COL4A6: variants seen among roughly 807,000 people sequenced by gnomAD.
The protein encoded by COL4A6 is collagen type IV alpha 6 chain.
In COL4A6, 59 loss-of-function variants were observed where a neutral mutation model predicts 126.7. The ratio of observed to expected loss-of-function variants is 0.47; its 90% CI spans 0.38 to 0.58. The LOEUF (loss-of-function observed/expected upper bound fraction) is 0.58. Ranked by LOEUF, COL4A6 falls within the 20% of genes least tolerant of loss-of-function variation. The pLI is 0.00. For missense variants in COL4A6, 1,285 were observed against 1,337.3 expected (o/e 0.96, Z 0.61); for synonymous variants, 547 against 496.6 (o/e 1.10, Z -1.35).
intron 3 of COL4A6, among the ~76,000 whole-genome samples, chrX:108,244,441 A>G (rs938048245): frequency 1.8e-5 from 2 of 111,545 alleles, no homozygotes; most frequent in African/African-American, 6.5e-5. Flanking sequence ...TTCTTGGCTG[A>G]CCAATAATGC....
At chrX:108,361,236 G>C (rs1042774888) in intron 2 of COL4A6, among the ~76,000 whole-genome samples, 1 of 111,208 alleles carries the variant, frequency 9.0e-6, no homozygotes, top group East Asian at 2.8e-4. Context: ...TCCCTTAGCA[G>C]TCACAACCTG....
chrX:108,323,752 C>T (rs1252221698), intron 2 of COL4A6, among the ~76,000 whole-genome samples: 2 of 112,301 alleles, frequency 1.8e-5, no homozygotes, highest in Admixed American at 9.5e-5. Flanking sequence ...TCTGTCTTTT[C>T]CAACAATAGC....
chrX:108,367,607 G>T (rs1430879401), intron 2 of COL4A6, among the ~76,000 whole-genome samples: 2 of 112,042 alleles, frequency 1.8e-5, no homozygotes, highest in African/African-American at 6.5e-5. Flanking sequence ...ATTATTTCCA[G>T]AAAACAACTG....
At chrX:108,418,311 C>G in intron 2 of COL4A6, among the ~76,000 whole-genome samples, 2 of 111,957 alleles carry the variant, frequency 1.8e-5, no homozygotes, top group Non-Finnish European at 3.8e-5. Flanking sequence ...AATCCTAACA[C>G]TTATACCTGT....
chrX:108,197,171 G>A (rs1321037624), intron 13 of COL4A6, among the ~76,000 whole-genome samples: 1 of 112,127 alleles, frequency 8.9e-6, no homozygotes, highest in Non-Finnish European at 1.9e-5. Context: ...TACTGGGACT[G>A]TAGGGCTCTT....
intron 2 of COL4A6, among the ~76,000 whole-genome samples, chrX:108,413,825 C>T (rs1268454799): frequency 3.6e-5 from 4 of 111,969 alleles, no homozygotes; most frequent in Non-Finnish European, 5.6e-5. Context: ...ACATCTATTA[C>T]TACTGGTTTT....
At chrX:108,355,334 C>T (rs2039936856) in intron 2 of COL4A6, among the ~76,000 whole-genome samples, 1 of 112,269 alleles carries the variant, frequency 8.9e-6, no homozygotes. Context: ...CCAAAATATA[C>T]CATCCAGTAG....
Position 108,209,989 on chromosome X carries a change from G to A in COL4A6, c.526C>T (p.Pro176Ser). 8.3e-7 allele frequency: 1 copy of A among 1,209,346 alleles called. No homozygotes were observed. The highest frequency in any genetic ancestry group is 1.1e-6 in the Non-Finnish European group (1 of 894,173). ...CTTACAGTGATTCCATCCAGTCCAG[G>A]CAGCCCAGGATCCCCCTGAGAAACA... ...FKGMKGDPGL[P>S]GLDGITGPQG... The change falls in exon 8 of 45, where the codon CCT becomes TCT. Residue 176 changes from proline to serine, a missense_variant. Pro to Ser is a moderately conservative substitution (Grantham distance 74). Coordinates refer to ENST00000334504, the MANE Select transcript of COL4A6 (RefSeq NM_033641.4).
chrX:108,198,258 A>G (rs981749541), intron 13 of COL4A6, among the ~76,000 whole-genome samples: 1 of 111,578 alleles, frequency 9.0e-6, no homozygotes, highest in Non-Finnish European at 1.9e-5. Context: ...GGCCAAGAGA[A>G]CAAAACTGTT....
chrX:108,421,252 G>A (rs1256314893), intron 2 of COL4A6, among the ~76,000 whole-genome samples: 2 of 112,170 alleles, frequency 1.8e-5, no homozygotes, highest in African/African-American at 3.2e-5. Flanking sequence ...AGGATTAATT[G>A]CTAATAACAG....
intron 11 of COL4A6, among the ~76,000 whole-genome samples, 184 bp downstream of exon 11, chrX:108,205,255 C>T (rs766359908): frequency 7.2e-5 from 8 of 111,056 alleles, no homozygotes; most frequent in African/African-American, 9.8e-5. Context: ...CCACAATAGC[C>T]CATGTGTGGC....
At chrX:108,193,297 T>C (rs1273033037) in intron 17 of COL4A6, among the ~76,000 whole-genome samples, 2 of 111,968 alleles carry the variant, frequency 1.8e-5, no homozygotes, top group African/African-American at 6.5e-5. Flanking sequence ...TATTCCATAG[T>C]ATCAAACTGA....
At chrX:108,183,148 T>A (rs1414584862) in intron 23 of COL4A6, among the ~76,000 whole-genome samples, 1 of 112,484 alleles carries the variant, frequency 8.9e-6, no homozygotes. Flanking sequence ...CTTTATACTG[T>A]CTTCTACTTT....
chrX:108,171,313 C>A (rs1485798766), intron 33 of COL4A6, 74 bp downstream of exon 33: 1 of 920,709 alleles, frequency 1.1e-6, no homozygotes, highest in Non-Finnish European at 1.5e-6. Flanking sequence ...TTGGGGTTGA[C>A]CTCCAAAATT....
chrX:108,254,436 AG>A (rs1380084623), intron 3 of COL4A6, among the ~76,000 whole-genome samples: 1 of 111,799 alleles, frequency 8.9e-6, no homozygotes, highest in East Asian at 2.8e-4. Context: ...TGGCAGAAAC[AG>A]GGTTTCAACA....
At chrX:108,280,477 G>T (rs1169900554) in intron 3 of COL4A6, among the ~76,000 whole-genome samples, 1 of 111,762 alleles carries the variant, frequency 8.9e-6, no homozygotes, top group Non-Finnish European at 1.9e-5. Context: ...ACCAATAACA[G>T]GCTCTGAAAT....
At chrX:108,161,833 T>C in intron 41 of COL4A6, 98 bp from the exon 42 acceptor site, 1 of 527,477 alleles carries the variant, frequency 1.9e-6, no homozygotes, top group Non-Finnish European at 3.3e-6. Context: ...CAAGACTCAC[T>C]AGGAGACGAT....
intron 3 of COL4A6, among the ~76,000 whole-genome samples, chrX:108,301,512 C>T (rs1398242416): frequency 9.0e-6 from 1 of 111,084 alleles, no homozygotes; most frequent in Non-Finnish European, 1.9e-5. Flanking sequence ...TCCAAGTATT[C>T]CTCCAATCAC....
At chrX:108,241,051 G>T (rs1043135780) in intron 3 of COL4A6, among the ~76,000 whole-genome samples, 1 of 110,621 alleles carries the variant, frequency 9.0e-6, no homozygotes, top group Non-Finnish European at 1.9e-5. Flanking sequence ...TGGATGGTGG[G>T]TACTTGGGTA....
Sources: allele counts gnomAD v4.1 joint callset (sites outside exome capture counted in the v4.1 genomes callset), GRCh38; gene constraint gnomAD v4.1.1; transcripts MANE v1.5; gene names NCBI Gene and HGNC (gene_info 2026-07-23, HGNC 2026-07-21).